Variants in NRXN3 observed in about 807,000 individuals in gnomAD.
NRXN3 encodes the protein neurexin 3, also known as neurexin III.
NRXN3 carries 32 observed loss-of-function variants against 137.6 expected under a neutral mutation model. That is an observed-to-expected ratio of 0.23 (90% CI 0.18 to 0.31). The LOEUF is 0.31. Among genes scored for constraint, NRXN3 ranks in the 10% least tolerant of loss-of-function variants. NRXN3 has a pLI of 1.00. For synonymous variants in NRXN3, 798 were observed against 784.5 expected (o/e 1.02, Z -0.29); for missense variants, 1,574 against 2,062.5 (o/e 0.76, Z 4.59).
intron 1 of NRXN3, among the ~76,000 whole-genome samples, chr14:78,224,149 G>A (rs1304733606): frequency 6.7e-6 from 1 of 150,040 alleles, no homozygotes; most frequent in Non-Finnish European, 1.5e-5. Context: ...TCTTAGCTTG[G>A]CATCCAGGAC....
rs530726620 is a variant in NRXN3, at chr14:79,840,616, C to T, written c.4094-20726C>T. Among the ~76,000 whole-genome samples the T allele has an allele frequency of 4.6e-5, 7 of 152,140 alleles. No homozygotes were observed. The East Asian group carries it at 5.8e-4, about 13-fold the overall frequency. On this transcript the variant is annotated intron_variant, in intron 20 of 20. Transcript: ENST00000335750. ...AAACATGCAGGACTAGATACAGTCA[C>T]GGCCATTCAATTTTTTAAGTTGTAT...
In NRXN3 at chr14:79,774,053, G is replaced by A. The variant is rs563429656; in HGVS notation, c.4015-31059G>A. On this transcript the variant is annotated intron_variant, in intron 19 of 20. Transcript: ENST00000335750. Reference sequence around the variant, plus strand: ...ACAAAAGAACCCTAGTAGACTGTTCGCTGGCAGGAATGTGTTCTAGAGGAT... The same window carrying A: ...ACAAAAGAACCCTAGTAGACTGTTCACTGGCAGGAATGTGTTCTAGAGGAT... 2.2e-4 allele frequency among the ~76,000 whole-genome samples: 34 copies of A among 152,170 alleles called. 1 individual carries two copies. The highest frequency in any genetic ancestry group is 1.9e-3 in the East Asian group (10 of 5,180).
At chr14:79,388,490 G>A (rs926161058) in intron 15 of NRXN3, among the ~76,000 whole-genome samples, 1 of 152,022 alleles carries the variant, frequency 6.6e-6, no homozygotes, top group Non-Finnish European at 1.5e-5. Context: ...TTCTGAGAGT[G>A]GGGTTCCTAT....
intron 10 of NRXN3, among the ~76,000 whole-genome samples, chr14:78,819,095 C>G (rs370043845): frequency 1.3e-5 from 2 of 152,106 alleles, no homozygotes; most frequent in South Asian, 2.1e-4. Flanking sequence ...TTGCTTGGAG[C>G]CTCGCAAGCT....
At chr14:79,613,962 A>G (rs2098130013) in intron 16 of NRXN3, among the ~76,000 whole-genome samples, 1 of 152,226 alleles carries the variant, frequency 6.6e-6, no homozygotes, top group Non-Finnish European at 1.5e-5. Flanking sequence ...TGGCATTTTT[A>G]TGGATGGATG....
At chr14:78,484,382 G>A (rs1474981290) in intron 4 of NRXN3, among the ~76,000 whole-genome samples, 2 of 152,298 alleles carry the variant, frequency 1.3e-5, no homozygotes, top group African/African-American at 4.8e-5. Context: ...CCCAGCTGGG[G>A]TTTTTAGTTT....
chr14:79,125,969 A>G (rs2056354935), intron 15 of NRXN3, among the ~76,000 whole-genome samples: 2 of 152,072 alleles, frequency 1.3e-5, no homozygotes, highest in Admixed American at 6.5e-5. Context: ...TTATTAACAG[A>G]ACTATTTTTT....
At chr14:79,075,318 T>C (rs2045785561) in intron 15 of NRXN3, among the ~76,000 whole-genome samples, 1 of 152,218 alleles carries the variant, frequency 6.6e-6, no homozygotes, top group African/African-American at 2.4e-5. Context: ...CAGTCCCTGA[T>C]AAGAACTTGA....
chr14:79,851,139 A>G (rs538229184), intron 20 of NRXN3, among the ~76,000 whole-genome samples: 5 of 152,260 alleles, frequency 3.3e-5, no homozygotes, highest in African/African-American at 1.2e-4. Context: ...ATTATCCAGG[A>G]GAATGTGTGT....
intron 15 of NRXN3, among the ~76,000 whole-genome samples, chr14:79,441,466 G>A (rs919148460): frequency 6.3e-5 from 8 of 127,846 alleles, no homozygotes; most frequent in Admixed American, 1.0e-4. Flanking sequence ...TGCAAGCTCC[G>A]CCTCCCGGGT....
In NRXN3 at chr14:79,399,027, AG is replaced by A. The variant is rs375568779; in HGVS notation, c.3263-68193del. On this transcript the variant is annotated intron_variant, in intron 15 of 20. Transcript: ENST00000335750. Reference sequence around the variant, plus strand: ...CCATCTCAAAAAAAAAAAAAAAAAAAGAAGAAGAAAAAAAAAAAGCTGGGAG... The same window carrying A: ...CCATCTCAAAAAAAAAAAAAAAAAAAAAGAAGAAAAAAAAAAAGCTGGGAG... 6.4e-3 allele frequency among the ~76,000 whole-genome samples: 848 copies of A among 133,156 alleles called. 4 individuals carry two copies. Among genetic ancestry groups the A allele is most frequent in the African/African-American group, 0.021 (772 of 36,022 alleles). The allele number at this position is 133,156 out of a possible 152,430, so 87.4% of individuals were successfully genotyped here.
At chr14:78,286,757 C>A (rs557413131) in intron 3 of NRXN3, among the ~76,000 whole-genome samples, 1 of 152,306 alleles carries the variant, frequency 6.6e-6, no homozygotes, top group East Asian at 1.9e-4. Flanking sequence ...ATAATGGCAG[C>A]AATAACTACA....
At chr14:79,108,824 G>A (rs1304486299) in intron 15 of NRXN3, among the ~76,000 whole-genome samples, 2 of 152,246 alleles carry the variant, frequency 1.3e-5, no homozygotes, top group East Asian at 3.9e-4. Flanking sequence ...AGTAGAGGGA[G>A]GAGAAATGAG....
At chr14:78,437,658 C>T (rs866876568) in intron 4 of NRXN3, among the ~76,000 whole-genome samples, 5 of 152,070 alleles carry the variant, frequency 3.3e-5, no homozygotes, top group African/African-American at 4.8e-5. Context: ...CTGTGGTTTC[C>T]GATCACAGTT....
At chr14:79,656,457 G>A (rs2098506117) in intron 16 of NRXN3, among the ~76,000 whole-genome samples, 1 of 152,182 alleles carries the variant, frequency 6.6e-6, no homozygotes, top group African/African-American at 2.4e-5. Flanking sequence ...TGAAGGACGT[G>A]ATGACTCAGG....
chr14:79,505,648 A>C (rs1365522756), intron 16 of NRXN3, among the ~76,000 whole-genome samples: 1 of 152,210 alleles, frequency 6.6e-6, no homozygotes, highest in East Asian at 1.9e-4. Context: ...CATAGTTATC[A>C]AAGTCATTTT....
chr14:79,604,190 C>T (rs1454509144), intron 16 of NRXN3, among the ~76,000 whole-genome samples: 1 of 151,934 alleles, frequency 6.6e-6, no homozygotes, highest in Non-Finnish European at 1.5e-5. Flanking sequence ...CGCGCCCTGC[C>T]AGAACAATCC....
chr14:78,451,709 G>A (rs1422183077), intron 4 of NRXN3, among the ~76,000 whole-genome samples: 1 of 152,210 alleles, frequency 6.6e-6, no homozygotes, highest in Non-Finnish European at 1.5e-5. Flanking sequence ...TATTTTAAGA[G>A]TCCTGCGTAG....
chr14:79,309,036 G>T (rs1247380100), intron 15 of NRXN3, among the ~76,000 whole-genome samples: 2 of 108,344 alleles, frequency 1.8e-5, no homozygotes, highest in Admixed American at 2.0e-4. Flanking sequence ...ACCCACTAAC[G>T]TGTCATCTAG....
Sources: gnomAD v4.1 joint callset for allele counts (sites outside exome capture counted in the v4.1 genomes callset) on GRCh38, gnomAD v4.1.1 for gene constraint, MANE v1.5 for transcripts, NCBI Gene and HGNC (gene_info 2026-07-23, HGNC 2026-07-21) for gene names.